CACNA2D3: variants seen among roughly 807,000 people sequenced by gnomAD.
CACNA2D3 encodes calcium voltage-gated channel auxiliary subunit alpha2delta 3.
Under a neutral mutation model 160.6 loss-of-function variants are expected in CACNA2D3, and 60 were observed. That is an observed-to-expected ratio of 0.37 (90% CI 0.30 to 0.46). The LOEUF is 0.46. Ranked by LOEUF, CACNA2D3 falls within the 20% of genes least tolerant of loss-of-function variation. The probability of loss-of-function intolerance (pLI) is 1.00; values close to 1 mark genes in which losing one functional copy is unlikely to be tolerated. For synonymous variants in CACNA2D3, 558 were observed against 492.9 expected (o/e 1.13, Z -1.75); for missense variants, 1,205 against 1,365.0 (o/e 0.88, Z 1.85).
At chr3:54,685,885 A>G (rs148430978) in intron 11 of CACNA2D3, among the ~76,000 whole-genome samples, 22 of 152,332 alleles carry the variant, frequency 1.4e-4, no homozygotes, top group African/African-American at 4.6e-4. Context: ...ATTAACTTAT[A>G]TACACATGTG....
chr3:54,296,839 G>A (rs568620149), intron 2 of CACNA2D3, among the ~76,000 whole-genome samples: 2 of 152,296 alleles, frequency 1.3e-5, no homozygotes, highest in East Asian at 1.9e-4. Flanking sequence ...TGTTCCATGC[G>A]AAGTAAGGGG....
intron 3 of CACNA2D3, among the ~76,000 whole-genome samples, chr3:54,383,185 C>A (rs1699132553): frequency 6.6e-6 from 1 of 152,144 alleles, no homozygotes; most frequent in African/African-American, 2.4e-5. Context: ...AATAACATTT[C>A]TTTTAATTTG....
At chr3:54,626,240 A>T in intron 9 of CACNA2D3, 1 of 1,059,050 alleles carries the variant, frequency 9.4e-7, no homozygotes, top group Non-Finnish European at 1.4e-6. Flanking sequence ...CAGAAGAAGC[A>T]GACCTTCCGC....
chr3:55,007,000 G>A (rs1343466399), intron 32 of CACNA2D3, among the ~76,000 whole-genome samples: 1 of 152,172 alleles, frequency 6.6e-6, no homozygotes, highest in Non-Finnish European at 1.5e-5. Context: ...CAGCGTCATT[G>A]TCTGTCTCTC....
At chr3:54,807,620 G>A (rs1703167645) in intron 13 of CACNA2D3, among the ~76,000 whole-genome samples, 1 of 151,530 alleles carries the variant, frequency 6.6e-6, no homozygotes, top group East Asian at 1.9e-4. Context: ...CTGTAAACTA[G>A]TTCAACCATT....
chr3:54,360,288 A>T (rs754594710), intron 3 of CACNA2D3, among the ~76,000 whole-genome samples: 1 of 152,220 alleles, frequency 6.6e-6, no homozygotes, highest in Non-Finnish European at 1.5e-5. Context: ...TAAGAGAATT[A>T]TCTGTGTTTT....
chr3:54,362,045 A>T (rs759129354), intron 3 of CACNA2D3, among the ~76,000 whole-genome samples: 14 of 152,156 alleles, frequency 9.2e-5, no homozygotes, highest in Non-Finnish European at 1.9e-4. Context: ...CTGATTTCTC[A>T]TCTTTTCAAC....
At chr3:55,073,354 G>A in intron 35 of CACNA2D3, 91 bp from the exon 36 acceptor site, 2 of 750,654 alleles carry the variant, frequency 2.7e-6, no homozygotes. Context: ...ACAAAATATG[G>A]TAGTTGCTAC....
At chr3:54,870,512 C>T (rs1242628047) in intron 17 of CACNA2D3, among the ~76,000 whole-genome samples, 1 of 152,156 alleles carries the variant, frequency 6.6e-6, no homozygotes, top group Non-Finnish European at 1.5e-5. Flanking sequence ...AATCCTTAGC[C>T]TGCAGCAGAG....
chr3:55,018,976 T>TCTTA (rs1703388691), intron 35 of CACNA2D3, among the ~76,000 whole-genome samples: 1 of 148,484 alleles, frequency 6.7e-6, no homozygotes, highest in South Asian at 2.2e-4. Flanking sequence ...AGAGATGGGG[T>TCTTA]CTTACTGTGT....
intron 11 of CACNA2D3, among the ~76,000 whole-genome samples, chr3:54,704,960 T>G (rs548605344): frequency 6.6e-6 from 1 of 152,086 alleles, no homozygotes; most frequent in Non-Finnish European, 1.5e-5. Context: ...TAATGGACTT[T>G]CCTGGGGGGC....
chr3:54,430,230 G>T (rs1699969417), intron 4 of CACNA2D3, among the ~76,000 whole-genome samples: 1 of 152,174 alleles, frequency 6.6e-6, no homozygotes, highest in African/African-American at 2.4e-5. Flanking sequence ...TATTTGCTAG[G>T]TGTCTCTTTC....
intron 3 of CACNA2D3, among the ~76,000 whole-genome samples, chr3:54,322,817 A>AT (rs1704033162): frequency 6.6e-6 from 1 of 151,468 alleles, no homozygotes; most frequent in Admixed American, 6.6e-5. Flanking sequence ...ATTAGTGAAG[A>AT]TAAAAAAAAA....
At chr3:54,542,618 A>G (rs768998771) in intron 5 of CACNA2D3, among the ~76,000 whole-genome samples, 7 of 152,214 alleles carry the variant, frequency 4.6e-5, no homozygotes, top group African/African-American at 7.2e-5. Flanking sequence ...GGAAGCATGC[A>G]GCACAGGAGA....
intron 31 of CACNA2D3, among the ~76,000 whole-genome samples, chr3:54,999,042 G>A (rs1001455805): frequency 3.3e-5 from 5 of 152,154 alleles, no homozygotes; most frequent in East Asian, 1.9e-4. Context: ...CACCGCGCCC[G>A]GCCAGCTAAA....
At chr3:54,366,902 C>G (rs1458313614) in intron 3 of CACNA2D3, among the ~76,000 whole-genome samples, 1 of 152,176 alleles carries the variant, frequency 6.6e-6, no homozygotes, top group South Asian at 2.1e-4. Context: ...CTACAATGCT[C>G]ATAAAGAGAA....
chr3:54,810,252 G>T (rs1457413806), intron 13 of CACNA2D3, among the ~76,000 whole-genome samples: 2 of 152,212 alleles, frequency 1.3e-5, no homozygotes, highest in African/African-American at 4.8e-5. Context: ...CCATGTAAAG[G>T]AAGGATTGGA....
rs781761039 is a variant in CACNA2D3, at chr3:55,069,525, A to G, written c.2988-3920A>G. ...ACTATCAATGGTTCTTTATTTCACA[A>G]ATATTTTTCGTTGGTTATTGCCAGT... On this transcript the variant is annotated intron_variant, in intron 35 of 37. Transcript: ENST00000474759. Among the ~76,000 whole-genome samples the G allele has an allele frequency of 5.6e-4, 86 of 152,216 alleles. 1 individual carries two copies. The highest frequency in any genetic ancestry group is 7.1e-4 in the Non-Finnish European group (48 of 68,026).
At chr3:54,376,723 T>G (rs1242053893) in intron 3 of CACNA2D3, among the ~76,000 whole-genome samples, 1 of 152,130 alleles carries the variant, frequency 6.6e-6, no homozygotes, top group Non-Finnish European at 1.5e-5. Context: ...CAAGATAACA[T>G]TAGTGGACAT....
Sources: gnomAD v4.1 joint callset for allele counts (sites outside exome capture counted in the v4.1 genomes callset) on GRCh38, gnomAD v4.1.1 for gene constraint, MANE v1.5 for transcripts, NCBI Gene and HGNC (gene_info 2026-07-23, HGNC 2026-07-21) for gene names.